Variants in TRMU observed in about 807,000 individuals in gnomAD.
TRMU encodes mitochondrial tRNA-specific 2-thiouridylase 1.
A neutral mutation model predicts 46.9 loss-of-function variants in TRMU; 49 were observed. That is an observed-to-expected ratio of 1.05 (90% CI 0.83 to 1.33). The LOEUF is 1.33. TRMU is among the 40% of genes most tolerant of loss of function. The pLI, the probability that TRMU is intolerant of heterozygous loss-of-function variation, is 0.00. For synonymous variants in TRMU, 241 were observed against 200.9 expected, an observed-to-expected ratio of 1.20 and a Z score of -1.69; for missense variants, 572 against 532.4, an observed-to-expected ratio of 1.07 and a Z score of -0.73.
At chr22:46,345,221 C>G (rs1009308412) in intron 3 of TRMU, among the ~76,000 whole-genome samples, 1 of 152,128 alleles carries the variant, frequency 6.6e-6, no homozygotes, top group East Asian at 1.9e-4. Flanking sequence ...CAGGTGCCCA[C>G]CAACATGTCT....
chr22:46,346,323 C>T, intron 3 of TRMU, 99 bp from the exon 4 acceptor site: 1 of 1,470,458 alleles, frequency 6.8e-7, no homozygotes, highest in Admixed American at 2.1e-5. Context: ...CAGCCTAAGA[C>T]TTGGGGTCTA....
Position 46,350,502 on chromosome 22 carries a change from C to G in TRMU, c.651+39C>G. On this transcript the variant is annotated intron_variant, in intron 5 of 10. Coordinates refer to ENST00000645190, the MANE Select transcript of TRMU (RefSeq NM_018006.5). The surrounding 1 kb of genome is among the most constrained non-coding windows in gnomAD (Gnocchi z 4.6). Reference sequence around the variant, plus strand: ...GTTGCCTTTGATTAGTGCCTGTTTCCCTTTCCCGACTGCATGGCACGGAGC... The same window carrying G: ...GTTGCCTTTGATTAGTGCCTGTTTCGCTTTCCCGACTGCATGGCACGGAGC... The G allele has an allele frequency of 6.2e-7, 1 of 1,611,224 alleles. No individual in the cohort carries two copies. Among genetic ancestry groups the G allele is most frequent in the Non-Finnish European group, 8.5e-7 (1 of 1,178,876 alleles).
At chr22:46,340,200 G>T (rs1446739113) in intron 2 of TRMU, among the ~76,000 whole-genome samples, 7 of 152,218 alleles carry the variant, frequency 4.6e-5, no homozygotes, top group Non-Finnish European at 4.4e-5. Flanking sequence ...TGTGCTGGTG[G>T]TGTGGGGGGT....
chr22:46,346,694 A>C, intron 4 of TRMU, 150 bp downstream of exon 4: 1 of 994,530 alleles, frequency 1.0e-6, no homozygotes, highest in South Asian at 1.4e-5. Flanking sequence ...GAAAAGGTGC[A>C]GTTACCAAGA....
At position 46,336,235 on chromosome 22, in the gene TRMU, C is replaced by T. The variant is rs906614480; in HGVS notation, c.82+389C>T. ...TGGGATCGCCGGGCCGGGGGCCTGACCTCTGCACACGCTGTGGCCGCCCGG... is the reference window on the plus strand; with the variant it reads ...TGGGATCGCCGGGCCGGGGGCCTGATCTCTGCACACGCTGTGGCCGCCCGG... On this transcript the variant is annotated intron_variant, in intron 1 of 10. Coordinates refer to ENST00000645190, the MANE Select transcript of TRMU (RefSeq NM_018006.5). This position sits in a 1 kb window ranked among gnomAD's most constrained non-coding sequence, Gnocchi z 4.1. The T allele has an allele frequency of 6.7e-6, 6 of 895,946 alleles. No individual in the cohort carries two copies. The highest frequency in any genetic ancestry group is 5.6e-5 in the African/African-American group (3 of 54,006). The allele number at this position is 895,946 out of a possible 1,614,324, so 55.5% of individuals were successfully genotyped here.
chr22:46,351,878 G>A lies in TRMU; in HGVS notation c.652-243G>A. On this transcript the variant is annotated intron_variant, in intron 5 of 10. Coordinates refer to ENST00000645190, the MANE Select transcript of TRMU (RefSeq NM_018006.5). This position sits in a 1 kb window ranked among gnomAD's most constrained non-coding sequence, Gnocchi z 6.4. ...CTTTCTTCCCCGGGGCAGCTGGTGTGAGGGTCTCCCGCGCAGGGTCAGACC... is the reference window on the plus strand; with the variant it reads ...CTTTCTTCCCCGGGGCAGCTGGTGTAAGGGTCTCCCGCGCAGGGTCAGACC... 1 of 609,346 alleles carries A rather than the reference G, an allele frequency of 1.6e-6. No homozygotes were observed. Among genetic ancestry groups the A allele is most frequent in the Non-Finnish European group, 2.9e-6 (1 of 340,160 alleles). The allele number at this position is 609,346 out of a possible 1,614,324, so 37.7% of individuals were successfully genotyped here. A position where few individuals can be genotyped will look rare whatever the true frequency, so the allele number is the denominator to read the frequency against.
chr22:46,353,291 C>A, intron 7 of TRMU: 1 of 208,472 alleles, frequency 4.8e-6, no homozygotes, highest in Non-Finnish European at 9.9e-6. Context: ...CCTGTGTGCC[C>A]CACTGCAGGG....
Position 46,351,298 on chromosome 22 carries a change from T to G in TRMU, c.652-823T>G, listed in dbSNP as rs947083497. 5.3e-5 allele frequency among the ~76,000 whole-genome samples: 8 copies of G among 152,086 alleles called. No individual in the cohort carries two copies. The highest frequency in any genetic ancestry group is 2.0e-4 in the Admixed American group (3 of 15,276). On this transcript the variant is annotated intron_variant, in intron 5 of 10. Transcript: ENST00000645190. The surrounding 1 kb of genome is among the most constrained non-coding windows in gnomAD (Gnocchi z 6.4). ...CGCACCCAGGAGTTTGAGGACAGCC[T>G]GGGCAACACAGCGAAACTCGTCTCA...
rs2078312753 is a variant in TRMU at position 46,348,327 on chromosome 22, G to GCCAAA, written c.478+1784_478+1785insCAAAC. 6.6e-6 allele frequency among the ~76,000 whole-genome samples: 1 copy of GCCAAA among 152,236 alleles called. No homozygotes were observed. Among genetic ancestry groups the GCCAAA allele is most frequent in the Non-Finnish European group, 1.5e-5 (1 of 68,038 alleles). ...CTCGGAAACTTGGGACAGTACTGAT[G>GCCAAA]CGTTCTGTTGAGTGCGTTTGGCATG... On this transcript the variant is annotated intron_variant, in intron 4 of 10. Transcript: ENST00000645190. This position sits in a 1 kb window ranked among gnomAD's most constrained non-coding sequence, Gnocchi z 4.8.
Position 46,336,067 on chromosome 22 carries a change from C to T in TRMU, c.82+221C>T. 1 of 1,393,262 alleles carries T rather than the reference C, an allele frequency of 7.2e-7. No individual in the cohort carries two copies. Among genetic ancestry groups the T allele is most frequent in the Non-Finnish European group, 9.3e-7 (1 of 1,078,226 alleles). The allele number at this position is 1,393,262 out of a possible 1,614,324, so 86.3% of individuals were successfully genotyped here. ...GACTGCAGCTCCGACTACCTGGGAG[C>T]AGTTCCGCGCCCCTCTCCACCCACG... is the stretch of plus-strand genomic sequence containing the variant. On this transcript the variant is annotated intron_variant, in intron 1 of 10. Coordinates refer to ENST00000645190, the MANE Select transcript of TRMU (RefSeq NM_018006.5). This position sits in a 1 kb window ranked among gnomAD's most constrained non-coding sequence, Gnocchi z 4.1.
intron 10 of TRMU, chr22:46,356,482 G>A: frequency 2.4e-6 from 1 of 424,194 alleles, no homozygotes; most frequent in Non-Finnish European, 4.4e-6. Flanking sequence ...TGGTGGGAGG[G>A]AACCTGGGGT....
chr22:46,349,999 A>G lies in TRMU; in HGVS notation c.479-292A>G, dbSNP rs185563730. Among the ~76,000 whole-genome samples, 22 of 135,708 alleles carry G rather than the reference A, an allele frequency of 1.6e-4. No individual in the cohort carries two copies. In the East Asian group the frequency reaches 3.6e-3, roughly 22 times the overall value. 89.0% of individuals were successfully genotyped at this position (135,708 alleles called of 152,430 possible). ...TTAGGTGTTTTTTTTTTTTTTTCTT[A>G]TCACTTGAGAACATTTTTTCATGTG... On this transcript the variant is annotated intron_variant, in intron 4 of 10. Transcript: ENST00000645190. The surrounding 1 kb of genome is among the most constrained non-coding windows in gnomAD (Gnocchi z 4.6).
chr22:46,356,173 G>A, intron 10 of TRMU, 101 bp downstream of exon 10: 1 of 1,348,896 alleles, frequency 7.4e-7, no homozygotes, highest in Non-Finnish European at 1.0e-6. Context: ...CAGGAGTAGG[G>A]TGTGCTCGGG....
Position 46,336,644 on chromosome 22 carries a change from A to C in TRMU, c.82+798A>C, listed in dbSNP as rs1409541212. 1 of 152,314 alleles carries C rather than the reference A, an allele frequency of 6.6e-6. No homozygotes were observed. The highest frequency in any genetic ancestry group is 2.4e-5 in the African/African-American group (1 of 41,470). The allele number at this position is 152,314 out of a possible 1,614,324, so 9.4% of individuals were successfully genotyped here. A position where few individuals can be genotyped will look rare whatever the true frequency, so the allele number is the denominator to read the frequency against. Reference sequence around the variant, plus strand: ...TTAGATGACATAGTACATACTGATGAGTACGTGCTCAGCACATACGAGGTA... The same window carrying C: ...TTAGATGACATAGTACATACTGATGCGTACGTGCTCAGCACATACGAGGTA... On this transcript the variant is annotated intron_variant, in intron 1 of 10. Transcript: ENST00000645190. The surrounding 1 kb of genome is among the most constrained non-coding windows in gnomAD (Gnocchi z 4.1).
In TRMU at chr22:46,339,390, T is replaced by G. The variant is rs2078062673; in HGVS notation, c.248+1446T>G. On this transcript the variant is annotated intron_variant, in intron 2 of 10. Transcript: ENST00000645190. This position sits in a 1 kb window ranked among gnomAD's most constrained non-coding sequence, Gnocchi z 4.8. Reference sequence around the variant, plus strand: ...GTCTCAGACTCCTGACCTCAGAAGATCCACTCGTCTCAGCCTCCCAAAGTG... The same window carrying G: ...GTCTCAGACTCCTGACCTCAGAAGAGCCACTCGTCTCAGCCTCCCAAAGTG... Among the ~76,000 whole-genome samples, 1 of 152,232 alleles carries G rather than the reference T, an allele frequency of 6.6e-6. No individual in the cohort carries two copies. The highest frequency in any genetic ancestry group is 2.4e-5 in the African/African-American group (1 of 41,458).
At chr22:46,340,886 G>A (rs1338958503) in intron 2 of TRMU, among the ~76,000 whole-genome samples, 3 of 152,240 alleles carry the variant, frequency 2.0e-5, no homozygotes, top group Non-Finnish European at 4.4e-5. Context: ...GGCTGCCCCC[G>A]AGGTCGCCCC....
intron 8 of TRMU, chr22:46,354,334 C>T (rs1189752090): frequency 5.4e-6 from 1 of 185,806 alleles, no homozygotes; most frequent in Non-Finnish European, 1.1e-5. Flanking sequence ...CAGGGCCGCT[C>T]AGTGGCGGCA....
chr22:46,355,933 C>A, intron 9 of TRMU, 57 bp from the exon 10 acceptor site: 1 of 1,594,456 alleles, frequency 6.3e-7, no homozygotes, highest in Non-Finnish European at 8.6e-7. Flanking sequence ...CCCTGGGGGC[C>A]TGAGGTCGAC....
intron 9 of TRMU, 30 bp from the exon 10 acceptor site, chr22:46,355,960 C>T (rs1416852850): frequency 3.1e-6 from 5 of 1,612,572 alleles, no homozygotes; most frequent in East Asian, 4.5e-5. Flanking sequence ...AGGCCTGTGC[C>T]CCCTCCAAGG....
Sources: allele counts gnomAD v4.1 joint callset (sites outside exome capture counted in the v4.1 genomes callset), GRCh38; gene constraint gnomAD v4.1.1; non-coding constraint Gnocchi (gnomAD v3.1); transcripts MANE v1.5; gene names NCBI Gene and HGNC (gene_info 2026-07-23, HGNC 2026-07-21).